Variants in EFCAB6 observed in about 807,000 individuals in gnomAD.
The protein encoded by EFCAB6 is EF-hand calcium binding domain 6.
EFCAB6 carries 156 observed loss-of-function variants against 169.8 expected under a neutral mutation model. That is an observed-to-expected ratio of 0.92 (90% CI 0.81 to 1.05). The LOEUF (loss-of-function observed/expected upper bound fraction) is 1.05. Ranked by LOEUF, EFCAB6 falls within the 50% of genes least tolerant of loss-of-function variation. EFCAB6 has a pLI of 0.00. For missense variants in EFCAB6, 1,800 were observed against 1,829.1 expected (o/e 0.98, Z 0.29); for synonymous variants, 698 against 676.4 (o/e 1.03, Z -0.50).
intron 19 of EFCAB6, among the ~76,000 whole-genome samples, chr22:43,630,449 T>C (rs192394142): frequency 1.3e-5 from 2 of 152,302 alleles, no homozygotes; most frequent in East Asian, 3.9e-4. Context: ...TCACTGATCG[T>C]AAAGATAGGA....
At chr22:43,697,425 C>A (rs966454890) in intron 10 of EFCAB6, among the ~76,000 whole-genome samples, 1 of 152,096 alleles carries the variant, frequency 6.6e-6, no homozygotes, top group African/African-American at 2.4e-5. Flanking sequence ...TGTACATACA[C>A]GCACAAAAGA....
intron 26 of EFCAB6, among the ~76,000 whole-genome samples, chr22:43,558,789 G>A (rs146599335): frequency 1.4e-4 from 22 of 152,172 alleles, no homozygotes; most frequent in African/African-American, 2.2e-4. Flanking sequence ...TAATGCTATC[G>A]CACACTTAAT....
At chr22:43,746,132 C>T (rs1429820826) in intron 6 of EFCAB6, among the ~76,000 whole-genome samples, 4 of 152,164 alleles carry the variant, frequency 2.6e-5, no homozygotes, top group African/African-American at 4.8e-5. Flanking sequence ...AAGCGGGAAG[C>T]GGGGGCCGGG....
At chr22:43,542,574 C>T (rs1757692390) in intron 27 of EFCAB6, among the ~76,000 whole-genome samples, 1 of 152,106 alleles carries the variant, frequency 6.6e-6, no homozygotes, top group Non-Finnish European at 1.5e-5. Flanking sequence ...AGCAAGACTC[C>T]ATCTCAAAAA....
intron 2 of EFCAB6, among the ~76,000 whole-genome samples, chr22:43,807,934 G>C (rs1474943935): frequency 2.0e-5 from 3 of 152,166 alleles, no homozygotes; most frequent in Non-Finnish European, 4.4e-5. Flanking sequence ...ACGTCAAGCA[G>C]GCATAGGGTC....
At chr22:43,581,600 A>G (rs2050731410) in intron 24 of EFCAB6, among the ~76,000 whole-genome samples, 1 of 152,372 alleles carries the variant, frequency 6.6e-6, no homozygotes, top group Non-Finnish European at 1.5e-5. Flanking sequence ...TACAACTTAA[A>G]TTCCTGGGGA....
At chr22:43,722,356 C>T (rs1347425007) in intron 8 of EFCAB6, among the ~76,000 whole-genome samples, 1 of 88,622 alleles carries the variant, frequency 1.1e-5, no homozygotes, top group Non-Finnish European at 2.2e-5. Flanking sequence ...GAAACCCCAT[C>T]TCTACTTAAA....
intron 5 of EFCAB6, among the ~76,000 whole-genome samples, chr22:43,758,669 C>G (rs1280198550): frequency 6.6e-6 from 1 of 152,188 alleles, no homozygotes; most frequent in Non-Finnish European, 1.5e-5. Flanking sequence ...TTGCTTTTCA[C>G]TCCTAAAATC....
At chr22:43,752,733 A>T (rs1483498853) in intron 6 of EFCAB6, among the ~76,000 whole-genome samples, 1 of 152,180 alleles carries the variant, frequency 6.6e-6, no homozygotes, top group Non-Finnish European at 1.5e-5. Flanking sequence ...GGTAACCAGG[A>T]AGAGAGGTAG....
intron 2 of EFCAB6, among the ~76,000 whole-genome samples, chr22:43,784,714 C>CATATAT (rs1275829590): frequency 4.7e-4 from 62 of 131,206 alleles, no homozygotes; most frequent in African/African-American, 1.7e-3. Flanking sequence ...CACACACACA[C>CATATAT]ACACATATAT....
chr22:43,724,600 C>T (rs942832817), intron 8 of EFCAB6, among the ~76,000 whole-genome samples: 4 of 152,058 alleles, frequency 2.6e-5, no homozygotes, highest in African/African-American at 9.7e-5. Context: ...TAACTCCTGA[C>T]CTCAAATGAT....
intron 26 of EFCAB6, among the ~76,000 whole-genome samples, chr22:43,558,213 T>C (rs1035870241): frequency 6.6e-6 from 1 of 152,168 alleles, no homozygotes; most frequent in African/African-American, 2.4e-5. Context: ...ACTGTATAGG[T>C]AGAAAATCTC....
Position 43,804,771 on chromosome 22 carries a change from A to G in EFCAB6, c.-8+4224T>C, listed in dbSNP as rs1301303104. ...AGAGCCCTGCCTCAAAAAAAAAAAAAAAAAAAATCAGAGGATAAATAAACA... is the reference window on the plus strand; with the variant it reads ...AGAGCCCTGCCTCAAAAAAAAAAAAGAAAAAAATCAGAGGATAAATAAACA... On this transcript the variant is annotated intron_variant, in intron 2 of 31. Coordinates refer to ENST00000262726, the MANE Select transcript of EFCAB6 (RefSeq NM_022785.4). Among the ~76,000 whole-genome samples, 4 of 152,078 alleles carry G rather than the reference A, an allele frequency of 2.6e-5. No homozygotes were observed. In the East Asian group the frequency reaches 7.7e-4, roughly 29 times the overall value.
chr22:43,741,417 C>T (rs140115700), intron 6 of EFCAB6, among the ~76,000 whole-genome samples: 3 of 152,342 alleles, frequency 2.0e-5, no homozygotes, highest in East Asian at 1.9e-4. Flanking sequence ...TCCCTGCCTT[C>T]GTTCAGGTCT....
chr22:43,550,657 G>C (rs1280865175), intron 27 of EFCAB6, among the ~76,000 whole-genome samples: 1 of 148,438 alleles, frequency 6.7e-6, no homozygotes, highest in Non-Finnish European at 1.5e-5. Context: ...GCATGACACA[G>C]TGAGACTCTG....
At chr22:43,759,416 C>T (rs912292106) in intron 5 of EFCAB6, 17 of 152,150 alleles carry the variant, frequency 1.1e-4, no homozygotes, top group African/African-American at 4.8e-5. Context: ...TGTACACGAA[C>T]GATTGTAGTT....
intron 5 of EFCAB6, among the ~76,000 whole-genome samples, chr22:43,764,868 G>A (rs1001091653): frequency 4.7e-5 from 7 of 150,378 alleles, no homozygotes; most frequent in Non-Finnish European, 8.9e-5. Flanking sequence ...AAATATTCAA[G>A]TAGTTCATAC....
intron 13 of EFCAB6, among the ~76,000 whole-genome samples, chr22:43,677,572 G>T (rs780616390): frequency 6.5e-4 from 99 of 152,232 alleles, no homozygotes; most frequent in Middle Eastern, 3.4e-3. Flanking sequence ...CTTGAACCTG[G>T]AAGGTGGAGG....
At chr22:43,680,878 T>G (rs2057978364) in intron 12 of EFCAB6, among the ~76,000 whole-genome samples, 1 of 152,256 alleles carries the variant, frequency 6.6e-6, no homozygotes, top group South Asian at 2.1e-4. Context: ...CCTTAGAATT[T>G]TCTACACACA....
Sources: gnomAD v4.1 joint callset for allele counts (sites outside exome capture counted in the v4.1 genomes callset) on GRCh38, gnomAD v4.1.1 for gene constraint, MANE v1.5 for transcripts, NCBI Gene and HGNC (gene_info 2026-07-23, HGNC 2026-07-21) for gene names.